APOC1: variants seen among roughly 807,000 people sequenced by gnomAD.
APOC1 encodes apolipoprotein C1, also known as apolipoprotein C-I.
In APOC1, 4 loss-of-function variants were observed where a neutral mutation model predicts 6.7. The ratio of observed to expected loss-of-function variants is 0.60; its 90% CI spans 0.29 to 1.37. The LOEUF is 1.37. Ranked by LOEUF, APOC1 falls within the 40% of genes most tolerant of loss-of-function variation. The probability of loss-of-function intolerance (pLI) is 0.09; values close to 1 mark genes in which losing one functional copy is unlikely to be tolerated. For synonymous variants in APOC1, 33 were observed against 40.6 expected, an observed-to-expected ratio of 0.81 and a Z score of 0.72; for missense variants, 122 against 99.4, an observed-to-expected ratio of 1.23 and a Z score of -0.97.
At chr19:44,915,964 G>C (rs905564341) in intron 2 of APOC1, among the ~76,000 whole-genome samples, 1 of 148,438 alleles carries the variant, frequency 6.7e-6, no homozygotes, top group East Asian at 2.0e-4. Context: ...GCAAGACTCC[G>C]TCTCAAAACA....
chr19:44,915,555 C>T (rs1296980796), intron 2 of APOC1, among the ~76,000 whole-genome samples: 3 of 151,372 alleles, frequency 2.0e-5, no homozygotes, highest in Non-Finnish European at 4.4e-5. Context: ...GCCTCGACCT[C>T]CCAAAGTGCT....
Position 44,916,333 on chromosome 19 carries a change from C to G in APOC1, c.194+8C>G, listed in dbSNP as rs1183000086. The G allele has an allele frequency of 3.1e-6, 5 of 1,613,400 alleles. No homozygotes were observed. The African/African-American group carries it at 5.4e-5, about 17-fold the overall frequency. ...ACTTTCTGCCAAGATGCGGTTAGAA[C>G]CCTTCCCAGGGCACGGGAGAGCTGG... On this transcript the variant is annotated splice_region_variant and intron_variant, in intron 3 of 3. Transcript: ENST00000592535.
In APOC1 at chr19:44,919,298, A is replaced by C; in HGVS notation, c.*68A>C. 1.4e-6 allele frequency: 2 copies of C among 1,407,598 alleles called. No homozygotes were observed. Among genetic ancestry groups the C allele is most frequent in the Admixed American group, 1.7e-5 (1 of 57,486 alleles). 87.2% of individuals were successfully genotyped at this position (1,407,598 alleles called of 1,614,324 possible). On this transcript the variant is annotated 3_prime_UTR_variant, in exon 4 of 4. Transcript: ENST00000592535. ...CCACACCCCAGCGCCTGTGCTGAGG[A>C]CTCCCTCCATGTGGCCCCAGGTGCC...
rs1657926575 is a variant in APOC1, at chr19:44,914,747, G to C, written c.-21+14G>C. On this transcript the variant is annotated intron_variant, in intron 1 of 3. Coordinates refer to ENST00000592535, the MANE Select transcript of APOC1 (RefSeq NM_001645.5). The stretch of plus-strand genomic sequence containing the variant: ...GCAAGGATTCAGGTTGGTGCTGAGT[G>C]CCTGGGAGGGACACCCGCCTACACT... 1 of 772,154 alleles carries C rather than the reference G, an allele frequency of 1.3e-6. No individual in the cohort carries two copies. The highest frequency in any genetic ancestry group is 2.1e-6 in the Non-Finnish European group (1 of 465,580). 47.8% of individuals were successfully genotyped at this position (772,154 alleles called of 1,614,324 possible).
At chr19:44,917,309 A>C (rs1266138509) in intron 3 of APOC1, among the ~76,000 whole-genome samples, 2 of 151,892 alleles carry the variant, frequency 1.3e-5, no homozygotes, top group African/African-American at 2.4e-5. Context: ...AAAACAGTGA[A>C]GAACGTGCCG....
intron 2 of APOC1, among the ~76,000 whole-genome samples, chr19:44,915,719 C>T (rs1313908776): frequency 1.3e-5 from 2 of 151,814 alleles, no homozygotes; most frequent in Admixed American, 1.3e-4. Context: ...GTAATCCCAG[C>T]ACTTTGGGAG....
intron 3 of APOC1, among the ~76,000 whole-genome samples, chr19:44,917,595 A>G (rs1745974155): frequency 6.6e-6 from 1 of 150,618 alleles, no homozygotes; most frequent in African/African-American, 2.5e-5. Flanking sequence ...AAAGAAAAGA[A>G]AAGAGAAGAA....
intron 3 of APOC1, among the ~76,000 whole-genome samples, chr19:44,917,217 G>A (rs2122161250): frequency 6.6e-6 from 1 of 152,304 alleles, no homozygotes; most frequent in African/African-American, 2.4e-5. Context: ...GCCCCCTTTG[G>A]CAAGTTAGAG....
intron 2 of APOC1, among the ~76,000 whole-genome samples, chr19:44,915,557 C>A (rs1403592617): frequency 1.3e-5 from 2 of 151,270 alleles, no homozygotes; most frequent in South Asian, 4.2e-4. Flanking sequence ...CTCGACCTCC[C>A]AAAGTGCTGG....
Position 44,919,158 on chromosome 19 carries a change from T to C in APOC1, c.195-15T>C, listed in dbSNP as rs905867002. 1 of 1,612,498 alleles carries C rather than the reference T, an allele frequency of 6.2e-7. No individual in the cohort carries two copies. Among genetic ancestry groups the C allele is most frequent in the Non-Finnish European group, 8.5e-7 (1 of 1,178,954 alleles). Reference sequence around the variant, plus strand: ...AGCTGCACACAGTGACCCCCTTCCTTATTCCTCCCCACAGGGAGTGGTTTT... The same window carrying C: ...AGCTGCACACAGTGACCCCCTTCCTCATTCCTCCCCACAGGGAGTGGTTTT... On this transcript the variant is annotated splice_polypyrimidine_tract_variant and intron_variant, in intron 3 of 3. Coordinates refer to ENST00000592535, the MANE Select transcript of APOC1 (RefSeq NM_001645.5).
chr19:44,915,728 A>G (rs918108465), intron 2 of APOC1, among the ~76,000 whole-genome samples: 3 of 151,842 alleles, frequency 2.0e-5, no homozygotes, highest in Admixed American at 2.0e-4. Context: ...GCACTTTGGG[A>G]GGCCGAGGCG....
intron 3 of APOC1, among the ~76,000 whole-genome samples, chr19:44,917,835 G>GT (rs1415128984): frequency 6.6e-6 from 1 of 151,928 alleles, no homozygotes; most frequent in African/African-American, 2.4e-5. Flanking sequence ...TTAGCCGGGC[G>GT]TGGTGGTGCA....
chr19:44,916,521 T>A, intron 3 of APOC1, 196 bp downstream of exon 3: 1 of 726,108 alleles, frequency 1.4e-6, no homozygotes, highest in Non-Finnish European at 2.2e-6. Flanking sequence ...GGCCATATTT[T>A]AAAAGATGGT....
chr19:44,915,378 C>T (rs1360676862), intron 2 of APOC1, among the ~76,000 whole-genome samples: 2 of 146,624 alleles, frequency 1.4e-5, no homozygotes, highest in East Asian at 2.0e-4. Context: ...GGCTGGAGTG[C>T]AGTGGCGCGA....
chr19:44,914,720 CAG>C lies in APOC1; in HGVS notation c.-33_-32del. On this transcript the variant is annotated 5_prime_UTR_variant, in exon 1 of 4. Transcript: ENST00000592535. ...GACAGGACCTCCCAACCAAGCCCTC[CAG>C]CAAGGATTCAGGTTGGTGCTGAGTG... 1.6e-6 allele frequency: 1 copy of C among 633,878 alleles called. No individual in the cohort carries two copies. Among genetic ancestry groups the C allele is most frequent in the Non-Finnish European group, 2.8e-6 (1 of 356,456 alleles). 39.3% of individuals were successfully genotyped at this position (633,878 alleles called of 1,614,324 possible).
chr19:44,917,796 G>C (rs758714992), intron 3 of APOC1, among the ~76,000 whole-genome samples: 2 of 151,432 alleles, frequency 1.3e-5, no homozygotes, highest in African/African-American at 2.4e-5. Flanking sequence ...CTAACATGGA[G>C]AAACCCTGTC....
Position 44,914,751 on chromosome 19 carries a change from G to A in APOC1, c.-21+18G>A. 1.2e-6 allele frequency: 1 copy of A among 825,682 alleles called. No homozygotes were observed. Among genetic ancestry groups the A allele is most frequent in the Non-Finnish European group, 2.0e-6 (1 of 512,092 alleles). 51.1% of individuals were successfully genotyped at this position (825,682 alleles called of 1,614,324 possible). ...GGATTCAGGTTGGTGCTGAGTGCCT[G>A]GGAGGGACACCCGCCTACACTCTGC... On this transcript the variant is annotated intron_variant, in intron 1 of 3. Transcript: ENST00000592535.
chr19:44,915,464 C>T (rs979495998), intron 2 of APOC1, among the ~76,000 whole-genome samples: 7 of 151,668 alleles, frequency 4.6e-5, no homozygotes, highest in African/African-American at 1.4e-4. Flanking sequence ...GCGCCCGCCA[C>T]CGCGCCCGGC....
At chr19:44,917,953 G>A (rs955255850) in intron 3 of APOC1, among the ~76,000 whole-genome samples, 5 of 151,184 alleles carry the variant, frequency 3.3e-5, no homozygotes, top group African/African-American at 1.2e-4. Flanking sequence ...CAGCCTGGGC[G>A]ACAAGGCGAG....
Sources: gnomAD v4.1 joint callset for allele counts (sites outside exome capture counted in the v4.1 genomes callset) on GRCh38, gnomAD v4.1.1 for gene constraint, MANE v1.5 for transcripts, NCBI Gene and HGNC (gene_info 2026-07-23, HGNC 2026-07-21) for gene names.